The following OPCML variants were observed in gnomAD, a reference collection of about 807,000 sequenced individuals.
OPCML encodes opioid binding protein/cell adhesion molecule like.
A neutral mutation model predicts 37.8 loss-of-function variants in OPCML; 13 were observed. The ratio of observed to expected loss-of-function variants is 0.34; its 90% CI spans 0.22 to 0.55. The LOEUF is 0.55. Ranked by LOEUF, OPCML falls within the 20% of genes least tolerant of loss-of-function variation. The pLI is 0.91. For synonymous variants in OPCML, 176 were observed against 168.8 expected, an observed-to-expected ratio of 1.04 and a Z score of -0.33; for missense variants, 341 against 435.6, an observed-to-expected ratio of 0.78 and a Z score of 1.93.
intron 1 of OPCML, among the ~76,000 whole-genome samples, chr11:133,031,850 C>G (rs1591931267): frequency 6.6e-6 from 1 of 152,240 alleles, no homozygotes; most frequent in East Asian, 1.9e-4. Flanking sequence ...CACTTCAAGA[C>G]CTCTCAACAA....
intron 4 of OPCML, among the ~76,000 whole-genome samples, chr11:132,468,631 A>G (rs1287638801): frequency 6.6e-6 from 1 of 152,220 alleles, no homozygotes; most frequent in East Asian, 1.9e-4. Flanking sequence ...CCAAATGAGT[A>G]TTGATTGAGG....
At chr11:133,438,842 A>G (rs2136933243) in intron 1 of OPCML, among the ~76,000 whole-genome samples, 1 of 152,166 alleles carries the variant, frequency 6.6e-6, no homozygotes, top group African/African-American at 2.4e-5. Context: ...ATGTAATGAA[A>G]CCTTCATGAA....
At chr11:133,390,045 G>A (rs1945134573) in intron 1 of OPCML, among the ~76,000 whole-genome samples, 2 of 152,180 alleles carry the variant, frequency 1.3e-5, no homozygotes. Flanking sequence ...CAATCACTAT[G>A]TGAACGTGGA....
intron 3 of OPCML, among the ~76,000 whole-genome samples, chr11:132,585,981 A>G (rs2096471780): frequency 6.6e-6 from 1 of 152,184 alleles, no homozygotes; most frequent in Non-Finnish European, 1.5e-5. Context: ...ATTGTTACTC[A>G]GGATCCAAAG....
intron 2 of OPCML, among the ~76,000 whole-genome samples, chr11:132,876,091 A>T (rs1217985731): frequency 6.6e-6 from 1 of 152,188 alleles, no homozygotes; most frequent in Non-Finnish European, 1.5e-5. Flanking sequence ...AGGTCCTGGG[A>T]GGGCATTGCC....
At chr11:133,281,568 A>C (rs1942158385) in intron 1 of OPCML, among the ~76,000 whole-genome samples, 1 of 152,038 alleles carries the variant, frequency 6.6e-6, no homozygotes, top group Non-Finnish European at 1.5e-5. Flanking sequence ...AAATGGACTA[A>C]CACAAAAACA....
At chr11:133,101,550 A>G (rs1468419657) in intron 1 of OPCML, among the ~76,000 whole-genome samples, 2 of 152,234 alleles carry the variant, frequency 1.3e-5, no homozygotes, top group East Asian at 3.9e-4. Context: ...ACAAAAATCC[A>G]AACACTGACA....
intron 1 of OPCML, among the ~76,000 whole-genome samples, chr11:133,112,898 C>A (rs984046370): frequency 2.6e-5 from 4 of 152,054 alleles, no homozygotes; most frequent in African/African-American, 9.7e-5. Flanking sequence ...GCTGTGTCAG[C>A]CTCAGCCAGC....
At chr11:132,890,849 T>C (rs772810935) in intron 2 of OPCML, among the ~76,000 whole-genome samples, 1 of 111,384 alleles carries the variant, frequency 9.0e-6, no homozygotes, top group Admixed American at 1.2e-4. Context: ...AGAGCGAGAC[T>C]CCATCTCAAA....
intron 2 of OPCML, among the ~76,000 whole-genome samples, chr11:132,717,969 G>A (rs912414140): frequency 1.3e-5 from 2 of 152,180 alleles, no homozygotes; most frequent in African/African-American, 4.8e-5. Flanking sequence ...GTAATCCTGT[G>A]GTTCTTCCTG....
chr11:132,425,422 T>C (rs1398788944), intron 7 of OPCML, among the ~76,000 whole-genome samples: 1 of 152,182 alleles, frequency 6.6e-6, no homozygotes, highest in East Asian at 1.9e-4. Context: ...GGCTCTGCTA[T>C]CCAATAGCAG....
intron 1 of OPCML, among the ~76,000 whole-genome samples, chr11:133,056,951 C>T (rs1367125209): frequency 6.6e-6 from 1 of 152,202 alleles, no homozygotes; most frequent in Non-Finnish European, 1.5e-5. Flanking sequence ...TCAAGTGATT[C>T]TCCTGCCTCA....
intron 2 of OPCML, among the ~76,000 whole-genome samples, chr11:132,747,004 C>G (rs998881749): frequency 6.6e-6 from 1 of 152,030 alleles, no homozygotes; most frequent in Non-Finnish European, 1.5e-5. Flanking sequence ...TAAGTCCTAC[C>G]TCAGATTACT....
intron 1 of OPCML, among the ~76,000 whole-genome samples, chr11:133,474,030 A>C (rs368622293): frequency 6.8e-4 from 103 of 152,258 alleles, no homozygotes; most frequent in African/African-American, 2.4e-3. Flanking sequence ...TAGAAATAGT[A>C]TACCTCTTTG....
chr11:132,733,130 G>A (rs1288975937), intron 2 of OPCML, among the ~76,000 whole-genome samples: 2 of 152,056 alleles, frequency 1.3e-5, no homozygotes, highest in Non-Finnish European at 2.9e-5. Flanking sequence ...TCATCACGAA[G>A]ATGAAATAAT....
intron 4 of OPCML, among the ~76,000 whole-genome samples, chr11:132,490,520 C>T (rs2137065608): frequency 6.7e-6 from 1 of 150,224 alleles, no homozygotes; most frequent in East Asian, 2.0e-4. Flanking sequence ...AAATGCCTTC[C>T]ACGCTTCCAT....
chr11:132,976,148 G>A (rs569388432), intron 1 of OPCML, among the ~76,000 whole-genome samples: 3 of 152,274 alleles, frequency 2.0e-5, no homozygotes, highest in African/African-American at 7.2e-5. Context: ...GTGGATCGTT[G>A]GAGGTGTATT....
intron 1 of OPCML, among the ~76,000 whole-genome samples, chr11:133,255,576 G>A (rs576621659): frequency 6.6e-6 from 1 of 152,084 alleles, no homozygotes; most frequent in Non-Finnish European, 1.5e-5. Flanking sequence ...CAAAGAAGAG[G>A]CCACACACAA....
In OPCML at chr11:133,512,786, G is replaced by A. The variant is rs577907272; in HGVS notation, c.61+19478C>T. Among the ~76,000 whole-genome samples the A allele has an allele frequency of 2.6e-5, 4 of 152,282 alleles. No individual in the cohort carries two copies. In the South Asian group the frequency reaches 8.3e-4, roughly 32 times the overall value. ...TCAGGAAATTAGGAAGGTCTTAGGA[G>A]TTCCATGTCAGAAACCAGAGCCAAA... is the stretch of plus-strand genomic sequence containing the variant. On this transcript the variant is annotated intron_variant, in intron 1 of 7. Coordinates refer to ENST00000524381, the MANE Select transcript of OPCML (RefSeq NM_001012393.5).
Sources: gnomAD v4.1 joint callset for allele counts (sites outside exome capture counted in the v4.1 genomes callset) on GRCh38, gnomAD v4.1.1 for gene constraint, MANE v1.5 for transcripts, NCBI Gene and HGNC (gene_info 2026-07-23, HGNC 2026-07-21) for gene names.